ZNF618: variants seen among roughly 807,000 people sequenced by gnomAD.
The protein encoded by ZNF618 is neural precursor cell expressed, developmentally down-regulated 10.
In ZNF618, 34 loss-of-function variants were observed where a neutral mutation model predicts 103.0. That is an observed-to-expected ratio of 0.33 (90% CI 0.25 to 0.44). The LOEUF (loss-of-function observed/expected upper bound fraction) is 0.44. Ranked by LOEUF, ZNF618 falls within the 20% of genes least tolerant of loss-of-function variation. The pLI, the probability that ZNF618 is intolerant of heterozygous loss-of-function variation, is 1.00. For synonymous variants in ZNF618, 551 were observed against 542.2 expected (o/e 1.02, Z -0.23); for missense variants, 1,059 against 1,295.4 (o/e 0.82, Z 2.80).
At chr9:113,890,949 C>T (rs761006364) in intron 1 of ZNF618, among the ~76,000 whole-genome samples, 19 of 152,162 alleles carry the variant, frequency 1.2e-4, no homozygotes, top group Admixed American at 2.6e-4. Flanking sequence ...TTTTCTCTTG[C>T]GGTGTTTGTC....
At chr9:113,972,919 A>G (rs1432790857) in intron 2 of ZNF618, among the ~76,000 whole-genome samples, 2 of 152,026 alleles carry the variant, frequency 1.3e-5, no homozygotes, top group Non-Finnish European at 2.9e-5. Flanking sequence ...AAATACAAAA[A>G]TTAGCCAGGT....
At chr9:113,983,331 A>T (rs1031354601) in intron 2 of ZNF618, among the ~76,000 whole-genome samples, 3 of 152,246 alleles carry the variant, frequency 2.0e-5, no homozygotes, top group Non-Finnish European at 4.4e-5. Flanking sequence ...ACACCTAATT[A>T]AATGCAAAGC....
intron 2 of ZNF618, among the ~76,000 whole-genome samples, chr9:113,969,805 G>T (rs146342505): frequency 8.6e-4 from 131 of 152,296 alleles, no homozygotes; most frequent in African/African-American, 3.0e-3. Context: ...CTGCTGTTAC[G>T]TTGGGTAGAG....
At chr9:113,933,306 C>T (rs1269634449) in intron 1 of ZNF618, among the ~76,000 whole-genome samples, 3 of 152,198 alleles carry the variant, frequency 2.0e-5, no homozygotes, top group African/African-American at 7.2e-5. Flanking sequence ...GTGCTGACAT[C>T]ACAGTCTGTT....
intron 10 of ZNF618, chr9:114,028,515 T>C: frequency 3.0e-6 from 2 of 660,214 alleles, no homozygotes; most frequent in East Asian, 2.8e-5. Context: ...AGTGGGCTGG[T>C]TGGTGGCCTC....
chr9:113,967,411 T>C (rs971091590), intron 1 of ZNF618, among the ~76,000 whole-genome samples: 1 of 152,224 alleles, frequency 6.6e-6, no homozygotes, highest in Non-Finnish European at 1.5e-5. Flanking sequence ...GCTCATTAAT[T>C]TCTTCCTCCC....
chr9:113,969,177 G>C lies in ZNF618; in HGVS notation c.77+17G>C. 2 of 1,613,794 alleles carry C rather than the reference G, an allele frequency of 1.2e-6. No individual in the cohort carries two copies. Among genetic ancestry groups the C allele is most frequent in the Non-Finnish European group, 1.7e-6 (2 of 1,179,782 alleles). Reference sequence around the variant, plus strand: ...TGCGAGCAGGTACACTCCCTCTCCCGCCCCCAGCTTGTCCACCCATCGACT... The same window carrying C: ...TGCGAGCAGGTACACTCCCTCTCCCCCCCCCAGCTTGTCCACCCATCGACT... On this transcript the variant is annotated intron_variant, in intron 2 of 14. Transcript: ENST00000374126.
chr9:113,902,959 A>G lies in ZNF618; in HGVS notation c.33+26546A>G, dbSNP rs182036201. Among the ~76,000 whole-genome samples the G allele has an allele frequency of 1.1e-4, 16 of 152,274 alleles. No homozygotes were observed. In the East Asian group the frequency reaches 2.7e-3, roughly 26 times the overall value. ...TGAACATCCTTGTACATGTTTCCAC[A>G]TGGACCCCTGGGAGGCCTTTTTTAT... On this transcript the variant is annotated intron_variant, in intron 1 of 14. Coordinates refer to ENST00000374126, the MANE Select transcript of ZNF618 (RefSeq NM_001318042.2).
chr9:113,983,290 T>C (rs763366350), intron 2 of ZNF618, among the ~76,000 whole-genome samples: 1 of 152,190 alleles, frequency 6.6e-6, no homozygotes, highest in Non-Finnish European at 1.5e-5. Context: ...CAAAGTGATA[T>C]AAGTACTTAT....
chr9:113,949,732 C>T (rs1038633600), intron 1 of ZNF618, among the ~76,000 whole-genome samples: 1 of 152,236 alleles, frequency 6.6e-6, no homozygotes, highest in African/African-American at 2.4e-5. Flanking sequence ...AAATCCTGCC[C>T]GCCGATGTGT....
chr9:113,965,775 A>C lies in ZNF618; in HGVS notation c.34-3342A>C, dbSNP rs150618550. On this transcript the variant is annotated intron_variant, in intron 1 of 14. Transcript: ENST00000374126. The stretch of plus-strand genomic sequence containing the variant: ...CAAGCTACATCCTTAAGGAGCACAC[A>C]GTCCAGTGGCGGAAGATGGTGGAAC... Among the ~76,000 whole-genome samples, 1,283 of 152,328 alleles carry C rather than the reference A, an allele frequency of 8.4e-3. 12 individuals carry two copies. The highest frequency in any genetic ancestry group is 0.022 in the African/African-American group (913 of 41,578).
intron 9 of ZNF618, among the ~76,000 whole-genome samples, chr9:114,012,745 CAGATGA>C (rs10565486): frequency 0.024 from 3,623 of 152,170 alleles, 116 homozygotes; most frequent in African/African-American, 0.069. Flanking sequence ...TGAACTTGAA[CAGATGA>C]AGATAATGAG....
In ZNF618 at chr9:114,016,687, C is replaced by T; in HGVS notation, c.755-8C>T. The T allele has an allele frequency of 6.2e-7, 1 of 1,612,992 alleles. No homozygotes were observed. The highest frequency in any genetic ancestry group is 8.5e-7 in the Non-Finnish European group (1 of 1,179,218). On this transcript the variant is annotated splice_region_variant and splice_polypyrimidine_tract_variant and intron_variant, in intron 9 of 14. Transcript: ENST00000374126. The stretch of plus-strand genomic sequence containing the variant: ...ACATTCTTACACCTTCGTTTCCTTC[C>T]TGGACAGAAACTGGCAATTACACCT...
At chr9:113,968,626 C>T (rs1466828404) in intron 1 of ZNF618, among the ~76,000 whole-genome samples, 2 of 152,094 alleles carry the variant, frequency 1.3e-5, no homozygotes, top group African/African-American at 2.4e-5. Flanking sequence ...AGCTTTATGT[C>T]CCCCTCCCCC....
intron 1 of ZNF618, among the ~76,000 whole-genome samples, chr9:113,890,717 C>T (rs1829542453): frequency 6.6e-6 from 1 of 152,190 alleles, no homozygotes; most frequent in Non-Finnish European, 1.5e-5. Flanking sequence ...TATCCGTTTA[C>T]ATTTCTATTA....
At chr9:113,924,670 A>G (rs1832923779) in intron 1 of ZNF618, among the ~76,000 whole-genome samples, 1 of 151,778 alleles carries the variant, frequency 6.6e-6, no homozygotes, top group South Asian at 2.1e-4. Context: ...GTGCTATAAA[A>G]TTTCCTCTAA....
At chr9:113,897,060 G>A (rs1360770426) in intron 1 of ZNF618, among the ~76,000 whole-genome samples, 1 of 152,022 alleles carries the variant, frequency 6.6e-6, no homozygotes, top group Non-Finnish European at 1.5e-5. Context: ...TAGCTACTAT[G>A]TATTTCTTTT....
chr9:113,899,425 A>G (rs1830321730), intron 1 of ZNF618, among the ~76,000 whole-genome samples: 1 of 152,202 alleles, frequency 6.6e-6, no homozygotes, highest in South Asian at 2.1e-4. Flanking sequence ...ACTGGGCTGT[A>G]TAGCAGGAGG....
intron 3 of ZNF618, among the ~76,000 whole-genome samples, chr9:113,992,548 C>T (rs1342331252): frequency 2.6e-5 from 4 of 152,066 alleles, no homozygotes; most frequent in African/African-American, 7.2e-5. Flanking sequence ...GGGCACTTGG[C>T]GGGGAGTGCT....
Sources: allele counts gnomAD v4.1 joint callset (sites outside exome capture counted in the v4.1 genomes callset), GRCh38; gene constraint gnomAD v4.1.1; transcripts MANE v1.5; gene names NCBI Gene and HGNC (gene_info 2026-07-23, HGNC 2026-07-21).